The following NYAP2 variants were observed in gnomAD, a reference collection of about 807,000 sequenced individuals.
NYAP2 encodes the protein neuronal tyrosine-phosphorylated phosphoinositide-3-kinase adapter 2.
In NYAP2, 23 loss-of-function variants were observed where a neutral mutation model predicts 50.4. That is an observed-to-expected ratio of 0.46 (90% CI 0.33 to 0.65). NYAP2 has a LOEUF of 0.65. Among genes scored for constraint, NYAP2 ranks in the 30% least tolerant of loss-of-function variants. NYAP2 has a pLI of 0.02. For missense variants in NYAP2, 885 were observed against 861.0 expected (o/e 1.03, Z -0.35); for synonymous variants, 394 against 365.2 (o/e 1.08, Z -0.90).
chr2:225,547,074 GTCC>G (rs1691598093), intron 4 of NYAP2, among the ~76,000 whole-genome samples: 1 of 152,056 alleles, frequency 6.6e-6, no homozygotes, highest in Non-Finnish European at 1.5e-5. Context: ...CTAGAAAAAA[GTCC>G]TCTTTACTCT....
intron 3 of NYAP2, among the ~76,000 whole-genome samples, chr2:225,503,223 T>C (rs1402448239): frequency 6.6e-6 from 1 of 152,224 alleles, no homozygotes; most frequent in Admixed American, 6.5e-5. Flanking sequence ...TTTCCAGAAC[T>C]TCTCCTCCTC....
At chr2:225,543,609 A>G (rs1357470862) in intron 4 of NYAP2, among the ~76,000 whole-genome samples, 1 of 151,950 alleles carries the variant, frequency 6.6e-6, no homozygotes, top group Non-Finnish European at 1.5e-5. Context: ...CATTGTGGAA[A>G]TTGTGGTCAG....
chr2:225,466,740 C>G (rs1689925289), intron 3 of NYAP2, among the ~76,000 whole-genome samples: 1 of 152,126 alleles, frequency 6.6e-6, no homozygotes, highest in Non-Finnish European at 1.5e-5. Flanking sequence ...TTCTGATCAG[C>G]CAGATATCTG....
At chr2:225,547,494 C>T (rs780682128) in intron 4 of NYAP2, among the ~76,000 whole-genome samples, 1 of 152,224 alleles carries the variant, frequency 6.6e-6, no homozygotes, top group African/African-American at 2.4e-5. Flanking sequence ...CAAGTTCTGA[C>T]TTCTGGGATG....
intron 5 of NYAP2, among the ~76,000 whole-genome samples, chr2:225,616,154 AC>A (rs1474015384): frequency 6.6e-6 from 1 of 152,150 alleles, no homozygotes; most frequent in African/African-American, 2.4e-5. Flanking sequence ...ATAAACACAA[AC>A]CTGGGCTTTC....
intron 4 of NYAP2, among the ~76,000 whole-genome samples, chr2:225,529,776 T>C (rs11889187): frequency 0.39 from 59,109 of 152,112 alleles, 12,421 homozygotes; most frequent in African/African-American, 0.55. Flanking sequence ...GGCACTATCT[T>C]GGCTCACTGC....
Position 225,520,754 on chromosome 2 carries a change from C to G in NYAP2, c.523+7082C>G, listed in dbSNP as rs564828116. Among the ~76,000 whole-genome samples the G allele has an allele frequency of 9.2e-3, 1,393 of 151,912 alleles. 16 individuals are homozygous for G. Among genetic ancestry groups the G allele is most frequent in the African/African-American group, 0.031 (1,280 of 41,390 alleles). On this transcript the variant is annotated intron_variant, in intron 4 of 6. Coordinates refer to ENST00000636099, the Ensembl canonical transcript of NYAP2. Reference sequence around the variant, plus strand: ...TGGCTTAGGATTGACTTGGCGATGCCGGCTCTTTTTTGGTTCCATATGAAC... The same window carrying G: ...TGGCTTAGGATTGACTTGGCGATGCGGGCTCTTTTTTGGTTCCATATGAAC...
At chr2:225,638,156 T>TTGTGTGTGTGTGTGTGTG (rs146481098) in intron 6 of NYAP2, among the ~76,000 whole-genome samples, 1 of 135,222 alleles carries the variant, frequency 7.4e-6, no homozygotes, top group Non-Finnish European at 1.6e-5. Context: ...ACTCGTGTGT[T>TTGTGTGTGTGTGTGTGTG]TGTGTGTGTG....
chr2:225,603,414 T>C (rs1692730621), intron 5 of NYAP2, among the ~76,000 whole-genome samples: 1 of 152,098 alleles, frequency 6.6e-6, no homozygotes, highest in South Asian at 2.1e-4. Flanking sequence ...TTTAACAAAG[T>C]TGTAGGTAGT....
At chr2:225,695,475 T>C in the NYAP2 span, among the ~76,000 whole-genome samples, 7 of 151,850 alleles carry the variant, frequency 4.6e-5, no homozygotes, top group Admixed American at 2.6e-4. Context: ...TTTATTTTAT[T>C]TTTTTGAGAG....
At chr2:225,671,199 A>C in the NYAP2 span, among the ~76,000 whole-genome samples, 1 of 151,990 alleles carries the variant, frequency 6.6e-6, no homozygotes, top group African/African-American at 2.4e-5. Context: ...TCCTTTACCT[A>C]TGCCAAACCA....
intron 3 of NYAP2, among the ~76,000 whole-genome samples, chr2:225,471,107 G>A (rs368457906): frequency 6.6e-6 from 1 of 152,302 alleles, no homozygotes; most frequent in South Asian, 2.1e-4. Context: ...AACCTCCATT[G>A]TTTGTGGAAA....
Position 225,582,060 on chromosome 2 carries a change from C to A in NYAP2, c.643C>A (p.His215Asn). ...TTTCGATGAAACGTACATCAAAAAG[C>A]ATGGGCCCCGGAGGACGTCGCTGCC... The change falls in exon 5 of 7, where the codon CAT becomes AAT. Residue 215 changes from histidine (H) to asparagine (N), a missense_variant. Transcript: ENST00000636099. This position sits in a 1 kb window ranked among gnomAD's most constrained non-coding sequence, Gnocchi z 7.0. 6.2e-7 allele frequency: 1 copy of A among 1,614,052 alleles called. No individual in the cohort carries two copies. The highest frequency in any genetic ancestry group is 1.1e-5 in the South Asian group (1 of 91,086).
intron 5 of NYAP2, among the ~76,000 whole-genome samples, chr2:225,604,798 T>G (rs1426208393): frequency 2.0e-5 from 3 of 152,140 alleles, no homozygotes; most frequent in Non-Finnish European, 4.4e-5. Flanking sequence ...TAACCATATT[T>G]ATTGAGAGAA....
intron 3 of NYAP2, among the ~76,000 whole-genome samples, chr2:225,429,661 T>C (rs74632122): frequency 0.016 from 2,485 of 152,292 alleles, 69 homozygotes; most frequent in African/African-American, 0.055. Flanking sequence ...TTAAGATAAA[T>C]TATATTTGAG....
rs77348304 is a variant in NYAP2 at position 225,643,079 on chromosome 2, C to T, written c.1829-8353C>T. ...CTAGCTCATGATTAATCAAGAGTAT[C>T]TTTGAGGTCATTCAATTATTTTAAC... On this transcript the variant is annotated intron_variant, in intron 6 of 6. Coordinates refer to ENST00000636099, the Ensembl canonical transcript of NYAP2. 5.3e-3 allele frequency among the ~76,000 whole-genome samples: 814 copies of T among 152,192 alleles called. 11 individuals carry two copies. The highest frequency in any genetic ancestry group is 0.019 in the African/African-American group (785 of 41,536).
At chr2:225,522,849 G>A (rs550559388) in intron 4 of NYAP2, among the ~76,000 whole-genome samples, 4 of 152,224 alleles carry the variant, frequency 2.6e-5, no homozygotes, top group Non-Finnish European at 4.4e-5. Context: ...TCATGTAATC[G>A]GGTGTTTATC....
the NYAP2 span, chr2:225,698,619 C>T: frequency 6.6e-6 from 1 of 152,298 alleles, no homozygotes; most frequent in African/African-American, 2.4e-5. Context: ...TGATAATGAA[C>T]TGTTACATAT....
At chr2:225,668,924 GA>G in the NYAP2 span, among the ~76,000 whole-genome samples, 4 of 114,878 alleles carry the variant, frequency 3.5e-5, no homozygotes, top group Non-Finnish European at 5.3e-5. Context: ...AATAAATAAA[GA>G]AAAAAATTGT....
Sources: allele counts gnomAD v4.1 joint callset (sites outside exome capture counted in the v4.1 genomes callset), GRCh38; gene constraint gnomAD v4.1.1; non-coding constraint Gnocchi (gnomAD v3.1); transcripts MANE v1.5; gene names NCBI Gene and HGNC (gene_info 2026-07-23, HGNC 2026-07-21).